Variants in OPCML observed in about 807,000 individuals in gnomAD.
OPCML encodes the protein opioid binding protein/cell adhesion molecule like, also known as opioid-binding protein/cell adhesion molecule.
A neutral mutation model predicts 37.8 loss-of-function variants in OPCML; 13 were observed. That is an observed-to-expected ratio of 0.34 (90% CI 0.22 to 0.55). The LOEUF is 0.55. Ranked by LOEUF, OPCML falls within the 20% of genes least tolerant of loss-of-function variation. OPCML has a pLI of 0.91. For missense variants in OPCML, 341 were observed against 435.6 expected, an observed-to-expected ratio of 0.78 and a Z score of 1.93; for synonymous variants, 176 against 168.8, an observed-to-expected ratio of 1.04 and a Z score of -0.33.
chr11:133,401,908 T>C (rs1344158318), intron 1 of OPCML, among the ~76,000 whole-genome samples: 1 of 152,008 alleles, frequency 6.6e-6, no homozygotes, highest in Admixed American at 6.6e-5. Flanking sequence ...CAGCAGTGAG[T>C]TCTCAGTGCA....
In OPCML at chr11:132,535,011, C is replaced by CAT. The variant is rs1008266700; in HGVS notation, c.380-5827_380-5826dup. ...CTTACCTTGGAGATATACACACACA[C>CAT]ATATATATATATATTTAAATACATT... On this transcript the variant is annotated intron_variant, in intron 3 of 7. Coordinates refer to ENST00000524381, the MANE Select transcript of OPCML (RefSeq NM_001012393.5). Among the ~76,000 whole-genome samples, 295 of 147,556 alleles carry CAT rather than the reference C, an allele frequency of 2.0e-3. 1 individual carries two copies. Among genetic ancestry groups the CAT allele is most frequent in the South Asian group, 0.019 (89 of 4,680 alleles).
intron 1 of OPCML, among the ~76,000 whole-genome samples, chr11:133,438,931 A>T (rs910810440): frequency 2.6e-5 from 4 of 152,120 alleles, no homozygotes; most frequent in Non-Finnish European, 5.9e-5. Flanking sequence ...GAACCCGGAG[A>T]GGGCATGGAG....
chr11:132,630,084 C>T (rs767861063), intron 3 of OPCML, among the ~76,000 whole-genome samples: 3 of 152,070 alleles, frequency 2.0e-5, no homozygotes, highest in Admixed American at 1.3e-4. Flanking sequence ...GTGAGGTATA[C>T]GTTATTTTAC....
intron 1 of OPCML, among the ~76,000 whole-genome samples, chr11:133,207,919 G>A (rs879691714): frequency 4.6e-5 from 7 of 152,042 alleles, no homozygotes; most frequent in Non-Finnish European, 7.3e-5. Context: ...GTTTTACTTC[G>A]CCGCAGGGTC....
chr11:132,556,158 G>T (rs1591545354), intron 3 of OPCML, among the ~76,000 whole-genome samples: 2 of 152,210 alleles, frequency 1.3e-5, no homozygotes, highest in African/African-American at 4.8e-5. Context: ...GCCCAGGCTG[G>T]TCTCAAACTT....
intron 2 of OPCML, among the ~76,000 whole-genome samples, chr11:132,808,448 T>C (rs1939143238): frequency 6.6e-6 from 1 of 152,140 alleles, no homozygotes; most frequent in Non-Finnish European, 1.5e-5. Context: ...ACATCTAAAA[T>C]GTTAAAAGCA....
chr11:132,974,678 T>A (rs1425930948), intron 1 of OPCML, among the ~76,000 whole-genome samples: 2 of 152,210 alleles, frequency 1.3e-5, no homozygotes, highest in African/African-American at 4.8e-5. Flanking sequence ...TAAATCATTC[T>A]ACCATAAAGG....
intron 2 of OPCML, among the ~76,000 whole-genome samples, chr11:132,780,892 A>C (rs1946983210): frequency 6.6e-6 from 1 of 152,234 alleles, no homozygotes; most frequent in South Asian, 2.1e-4. Context: ...ACTTGTAAGC[A>C]GACTCACTGG....
intron 2 of OPCML, among the ~76,000 whole-genome samples, chr11:132,916,939 C>T (rs1450927612): frequency 6.6e-6 from 1 of 152,096 alleles, no homozygotes; most frequent in Admixed American, 6.5e-5. Flanking sequence ...TCTTCCCCTT[C>T]CTATTTTATT....
intron 4 of OPCML, among the ~76,000 whole-genome samples, chr11:132,515,962 T>A (rs1246031323): frequency 1.3e-5 from 2 of 152,282 alleles, no homozygotes; most frequent in South Asian, 2.1e-4. Context: ...CTCACCAATT[T>A]GTAAAAATCA....
chr11:132,891,104 A>C (rs1205823067), intron 2 of OPCML, among the ~76,000 whole-genome samples: 1 of 152,222 alleles, frequency 6.6e-6, no homozygotes, highest in East Asian at 1.9e-4. Flanking sequence ...GTAATTTAGA[A>C]CTTTTTTAAA....
intron 1 of OPCML, among the ~76,000 whole-genome samples, chr11:133,050,579 T>A (rs1948111149): frequency 6.6e-6 from 1 of 152,180 alleles, no homozygotes. Context: ...AGGACTTGCT[T>A]TGGAGTCCTA....
intron 3 of OPCML, among the ~76,000 whole-genome samples, chr11:132,582,535 G>A (rs190999728): frequency 2.5e-3 from 379 of 152,240 alleles, no homozygotes; most frequent in Non-Finnish European, 5.0e-3. Flanking sequence ...GGCAGTCAAT[G>A]ATAACCTATA....
chr11:132,709,462 G>A (rs1421293920), intron 2 of OPCML, among the ~76,000 whole-genome samples: 3 of 152,118 alleles, frequency 2.0e-5, no homozygotes, highest in East Asian at 1.9e-4. Flanking sequence ...TTTTTCCACT[G>A]ATTTCCAGGA....
intron 2 of OPCML, among the ~76,000 whole-genome samples, chr11:132,783,990 A>G (rs1315740180): frequency 6.6e-6 from 1 of 152,224 alleles, no homozygotes; most frequent in Non-Finnish European, 1.5e-5. Context: ...ATGATCAGAT[A>G]GGCCTGATTA....
intron 2 of OPCML, among the ~76,000 whole-genome samples, chr11:132,862,615 T>A (rs1192292735): frequency 6.6e-6 from 1 of 152,118 alleles, no homozygotes; most frequent in African/African-American, 2.4e-5. Context: ...TGGCCCAGCA[T>A]CCTAGCTAGG....
intron 4 of OPCML, among the ~76,000 whole-genome samples, chr11:132,505,149 C>G (rs185412184): frequency 6.6e-6 from 1 of 152,086 alleles, no homozygotes; most frequent in African/African-American, 2.4e-5. Context: ...TAAAACAGGA[C>G]TCAAAATTTA....
At chr11:133,429,745 A>C (rs139458187) in intron 1 of OPCML, among the ~76,000 whole-genome samples, 57 of 152,324 alleles carry the variant, frequency 3.7e-4, no homozygotes, top group African/African-American at 1.1e-3. Context: ...AGTTTCCATT[A>C]GCTGAGTTGA....
At chr11:132,935,604 T>C (rs1320456899) in intron 2 of OPCML, among the ~76,000 whole-genome samples, 1 of 152,206 alleles carries the variant, frequency 6.6e-6, no homozygotes, top group Non-Finnish European at 1.5e-5. Context: ...GGAAGCCAGG[T>C]CAAGACCTTC....
Sources: allele counts gnomAD v4.1 joint callset (sites outside exome capture counted in the v4.1 genomes callset), GRCh38; gene constraint gnomAD v4.1.1; transcripts MANE v1.5; gene names NCBI Gene and HGNC (gene_info 2026-07-23, HGNC 2026-07-21).